The following ICE2 variants were observed in gnomAD, a reference collection of about 807,000 sequenced individuals.
ICE2 encodes the protein little elongation complex subunit 2.
In ICE2, 87 loss-of-function variants were observed where a neutral mutation model predicts 105.4. The observed-to-expected ratio is 0.83, with a 90% confidence interval of 0.69 to 0.99. ICE2 has a LOEUF of 0.99. Ranked by LOEUF, ICE2 falls within the 50% of genes least tolerant of loss-of-function variation. The pLI is 0.00. For synonymous variants in ICE2, 399 were observed against 392.0 expected, an observed-to-expected ratio of 1.02 and a Z score of -0.21; for missense variants, 1,323 against 1,146.7, an observed-to-expected ratio of 1.15 and a Z score of -2.22.
intron 14 of ICE2, 33 bp downstream of exon 14, chr15:60,431,901 T>C (rs758395017): frequency 1.8e-6 from 2 of 1,131,192 alleles, no homozygotes; most frequent in Admixed American, 2.0e-5. Flanking sequence ...GAAAATCAGA[T>C]GTATCAAAGC....
chr15:60,475,986 A>C, intron 3 of ICE2, 77 bp downstream of exon 3: 1 of 885,484 alleles, frequency 1.1e-6, no homozygotes, highest in Non-Finnish European at 1.7e-6. Context: ...GTTTAATACT[A>C]GAGATACACA....
chr15:60,470,870 T>C (rs1055542385), intron 3 of ICE2, among the ~76,000 whole-genome samples: 3 of 152,124 alleles, frequency 2.0e-5, no homozygotes, highest in African/African-American at 4.8e-5. Flanking sequence ...CATTTTAAGC[T>C]AGTAAAGGAG....
chr15:60,471,622 T>C (rs1171557358), intron 3 of ICE2, among the ~76,000 whole-genome samples: 3 of 152,206 alleles, frequency 2.0e-5, no homozygotes, highest in Non-Finnish European at 4.4e-5. Flanking sequence ...ATCATTTCCT[T>C]GTGCAGTGCT....
chr15:60,454,680 CCT>C (rs896659621), intron 8 of ICE2: 4 of 191,838 alleles, frequency 2.1e-5, no homozygotes, highest in Non-Finnish European at 3.2e-5. Context: ...ATGGTTCCAA[CCT>C]CTTTTTTCTT....
rs911294193 is a variant in ICE2 at position 60,449,966 on chromosome 15, T to C, written c.1126-125A>G. ...AAAGTAGAAAGAAAAGTCTAATGGTTGTAAAAGGTTCTTGTTTAAGATGAC... is the reference window on the plus strand; with the variant it reads ...AAAGTAGAAAGAAAAGTCTAATGGTCGTAAAAGGTTCTTGTTTAAGATGAC... On this transcript the variant is annotated intron_variant, in intron 9 of 15. Transcript: ENST00000261520. 12 of 707,348 alleles carry C rather than the reference T, an allele frequency of 1.7e-5. No homozygotes were observed. The African/African-American group carries it at 2.0e-4, about 12-fold the overall frequency. The allele number at this position is 707,348 out of a possible 1,614,324, so 43.8% of individuals were successfully genotyped here.
intron 1 of ICE2, 89 bp downstream of exon 1, chr15:60,478,914 C>A: frequency 2.2e-6 from 1 of 454,752 alleles, no homozygotes; most frequent in Non-Finnish European, 4.4e-6. Flanking sequence ...CCGCCATGTT[C>A]CCTCCTCCCG....
At chr15:60,435,128 A>G (rs1438363106) in intron 13 of ICE2, among the ~76,000 whole-genome samples, 3 of 151,812 alleles carry the variant, frequency 2.0e-5, no homozygotes, top group African/African-American at 7.3e-5. Flanking sequence ...AAAAATACAA[A>G]AACTTAGCTG....
intron 2 of ICE2, among the ~76,000 whole-genome samples, 195 bp from the exon 3 acceptor site, chr15:60,476,362 A>G (rs1460544935): frequency 6.6e-6 from 1 of 152,128 alleles, no homozygotes; most frequent in Non-Finnish European, 1.5e-5. Context: ...ATAGCTTTAA[A>G]CCCAGGCCCA....
Position 60,478,029 on chromosome 15 carries a change from C to T in ICE2, c.-52G>A, listed in dbSNP as rs752742702. 5 of 1,550,120 alleles carry T rather than the reference C, an allele frequency of 3.2e-6. No individual in the cohort carries two copies. Among genetic ancestry groups the T allele is most frequent in the Non-Finnish European group, 4.5e-6 (5 of 1,122,222 alleles). On this transcript the variant is annotated 5_prime_UTR_variant, in exon 2 of 16. Transcript: ENST00000261520. ...CTCACAGTTCACAGCTGCCTGGCTG[C>T]GAAGGCTCCAAGAGGCAGGATCCCT...
At chr15:60,454,156 T>C (rs2064037336) in intron 8 of ICE2, among the ~76,000 whole-genome samples, 1 of 152,226 alleles carries the variant, frequency 6.6e-6, no homozygotes, top group African/African-American at 2.4e-5. Flanking sequence ...TCAATAGACA[T>C]AGTCTTTCAT....
chr15:60,421,616 C>T lies in ICE2; in HGVS notation c.*2018G>A, dbSNP rs2063243075. ...AGTCTGAAGCAACCACTGTCCAGCT[C>T]TTTAAAAAGAGCACATTCCATTCTG... On this transcript the variant is annotated 3_prime_UTR_variant, in exon 16 of 16. Coordinates refer to ENST00000261520, the MANE Select transcript of ICE2 (RefSeq NM_024611.6). 1 of 152,106 alleles carries T rather than the reference C, an allele frequency of 6.6e-6. No individual in the cohort carries two copies. Among genetic ancestry groups the T allele is most frequent in the South Asian group, 2.1e-4 (1 of 4,822 alleles). The allele number at this position is 152,106 out of a possible 1,614,324, so 9.4% of individuals were successfully genotyped here. A position where few individuals can be genotyped will look rare whatever the true frequency, so the allele number is the denominator to read the frequency against.
chr15:60,472,425 T>C (rs1303830242), intron 3 of ICE2, among the ~76,000 whole-genome samples: 1 of 152,116 alleles, frequency 6.6e-6, no homozygotes, highest in Non-Finnish European at 1.5e-5. Flanking sequence ...GTAACAATGA[T>C]TGTAATAATT....
intron 3 of ICE2, among the ~76,000 whole-genome samples, chr15:60,471,095 C>A (rs1294591840): frequency 1.3e-5 from 2 of 151,984 alleles, no homozygotes; most frequent in Non-Finnish European, 2.9e-5. Context: ...ATATGTAGGT[C>A]CCCAAATAAA....
chr15:60,451,106 A>C, intron 9 of ICE2: 1 of 784,324 alleles, frequency 1.3e-6, no homozygotes, highest in Non-Finnish European at 1.5e-6. Context: ...AGTGGTCATA[A>C]ATTTTTATTG....
chr15:60,468,613 G>A (rs1032889076), intron 3 of ICE2, among the ~76,000 whole-genome samples: 2 of 152,088 alleles, frequency 1.3e-5, no homozygotes, highest in African/African-American at 4.8e-5. Flanking sequence ...GGGGAAAATC[G>A]TTCTTGCCAA....
chr15:60,435,282 A>AAAAAC (rs942158470), intron 13 of ICE2, among the ~76,000 whole-genome samples: 4 of 151,146 alleles, frequency 2.6e-5, no homozygotes, highest in East Asian at 3.9e-4. Flanking sequence ...CTCCGTCTCA[A>AAAAAC]AAAACAAAAC....
At chr15:60,471,975 T>C (rs1046603965) in intron 3 of ICE2, among the ~76,000 whole-genome samples, 4 of 152,018 alleles carry the variant, frequency 2.6e-5, no homozygotes, top group Non-Finnish European at 4.4e-5. Flanking sequence ...TTTATATATA[T>C]ATATTTCCAT....
At chr15:60,461,698 G>A (rs1419618430) in intron 5 of ICE2, among the ~76,000 whole-genome samples, 2 of 152,160 alleles carry the variant, frequency 1.3e-5, no homozygotes. Context: ...TGAGACATAT[G>A]AGGTATTTTT....
At chr15:60,439,001 C>T (rs148049331) in intron 12 of ICE2, 1 of 152,288 alleles carries the variant, frequency 6.6e-6, no homozygotes, top group African/African-American at 2.4e-5. Flanking sequence ...CTTTTATATA[C>T]AAGCGTTCAT....
Sources: allele counts gnomAD v4.1 joint callset (sites outside exome capture counted in the v4.1 genomes callset), GRCh38; gene constraint gnomAD v4.1.1; transcripts MANE v1.5; gene names NCBI Gene and HGNC (gene_info 2026-07-23, HGNC 2026-07-21).